Variants in FHIT observed in about 807,000 individuals in gnomAD.
The protein encoded by FHIT is bis(5'-adenosyl)-triphosphatase.
In FHIT, 19 loss-of-function variants were observed where a neutral mutation model predicts 17.9. That is an observed-to-expected ratio of 1.06 (90% CI 0.74 to 1.56). FHIT has a LOEUF of 1.56. Ranked by LOEUF, FHIT falls within the 40% of genes most tolerant of loss-of-function variation. The probability of loss-of-function intolerance (pLI) is 0.00; values close to 1 mark genes in which losing one functional copy is unlikely to be tolerated. For synonymous variants in FHIT, 81 were observed against 69.7 expected (o/e 1.16, Z -0.81); for missense variants, 248 against 189.2 (o/e 1.31, Z -1.82).
At chr3:60,324,020 C>A (rs969601917) in intron 5 of FHIT, among the ~76,000 whole-genome samples, 2 of 152,030 alleles carry the variant, frequency 1.3e-5, no homozygotes, top group African/African-American at 2.4e-5. Flanking sequence ...GGTCTAGAAT[C>A]CTTTGTTGAA....
At chr3:59,796,376 C>T (rs969447098) in intron 8 of FHIT, among the ~76,000 whole-genome samples, 7 of 152,140 alleles carry the variant, frequency 4.6e-5, no homozygotes, top group African/African-American at 1.7e-4. Flanking sequence ...AAGGTCCTTA[C>T]ACCAGCTCCT....
chr3:60,338,501 C>A (rs1048336635), intron 5 of FHIT, among the ~76,000 whole-genome samples: 1 of 152,272 alleles, frequency 6.6e-6, no homozygotes, highest in East Asian at 1.9e-4. Context: ...TGTCTGGTCC[C>A]AGTATTTTAT....
rs982511950 is a variant in FHIT at position 60,324,262 on chromosome 3, T to G, written c.103+212598A>C. On this transcript the variant is annotated intron_variant, in intron 5 of 9. Coordinates refer to ENST00000492590, the MANE Select transcript of FHIT (RefSeq NM_002012.4). Reference sequence around the variant, plus strand: ...TCCTATAACCCCAGAGTCCCTGTTTTTAATGACCACCCAGACTGCCCCTCA... The same window carrying G: ...TCCTATAACCCCAGAGTCCCTGTTTGTAATGACCACCCAGACTGCCCCTCA... Among the ~76,000 whole-genome samples the G allele has an allele frequency of 4.6e-5, 7 of 152,170 alleles. No homozygotes were observed. In the East Asian group the frequency reaches 9.7e-4, roughly 21 times the overall value.
chr3:60,513,933 A>C (rs1374144213), intron 5 of FHIT, among the ~76,000 whole-genome samples: 1 of 152,238 alleles, frequency 6.6e-6, no homozygotes, highest in African/African-American at 2.4e-5. Context: ...AGAGAAGAGG[A>C]GAGAAGTGTC....
In FHIT at chr3:60,702,970, A is replaced by T. The variant is rs530234329; in HGVS notation, c.-18+118949T>A. Among the ~76,000 whole-genome samples the T allele has an allele frequency of 6.6e-5, 10 of 152,326 alleles. No homozygotes were observed. In the South Asian group the frequency reaches 1.0e-3, roughly 16 times the overall value. The stretch of plus-strand genomic sequence containing the variant: ...TCAGTATGCATACTGAGTTGAATAC[A>T]GTCCTCCATAATTTATAGTCATGTG... On this transcript the variant is annotated intron_variant, in intron 4 of 9. Coordinates refer to ENST00000492590, the MANE Select transcript of FHIT (RefSeq NM_002012.4).
intron 4 of FHIT, among the ~76,000 whole-genome samples, chr3:60,567,030 C>T (rs1330522778): frequency 6.7e-6 from 1 of 149,024 alleles, no homozygotes; most frequent in African/African-American, 2.5e-5. Flanking sequence ...AATGGCCATA[C>T]TGCCCAAGGT....
At chr3:61,114,683 C>G (rs140854395) in intron 2 of FHIT, among the ~76,000 whole-genome samples, 1 of 152,154 alleles carries the variant, frequency 6.6e-6, no homozygotes, top group Non-Finnish European at 1.5e-5. Context: ...ACCTTTGACC[C>G]TGTCCTGTTA....
At chr3:59,994,851 T>G (rs1048624649) in intron 7 of FHIT, among the ~76,000 whole-genome samples, 3 of 152,098 alleles carry the variant, frequency 2.0e-5, no homozygotes, top group Non-Finnish European at 2.9e-5. Flanking sequence ...TCCTTTCACC[T>G]TGTCTATGCA....
chr3:60,952,396 A>G (rs1266739423), intron 3 of FHIT, among the ~76,000 whole-genome samples: 1 of 152,148 alleles, frequency 6.6e-6, no homozygotes, highest in Non-Finnish European at 1.5e-5. Flanking sequence ...GTGTCTGTGT[A>G]GTCACAATCA....
At chr3:59,879,574 G>A (rs900466438) in intron 8 of FHIT, among the ~76,000 whole-genome samples, 1 of 152,144 alleles carries the variant, frequency 6.6e-6, no homozygotes, top group Non-Finnish European at 1.5e-5. Flanking sequence ...ACTATGTGAT[G>A]CATGTTATGA....
At chr3:59,869,547 T>C (rs1702821108) in intron 8 of FHIT, among the ~76,000 whole-genome samples, 1 of 142,646 alleles carries the variant, frequency 7.0e-6, no homozygotes, top group African/African-American at 2.6e-5. Flanking sequence ...AGTGGAGCGA[T>C]CTCGGCATAC....
At chr3:61,021,264 A>T (rs980516554) in intron 3 of FHIT, among the ~76,000 whole-genome samples, 1 of 152,184 alleles carries the variant, frequency 6.6e-6, no homozygotes, top group African/African-American at 2.4e-5. Context: ...TCTAAAATTG[A>T]CCACATAAGT....
intron 2 of FHIT, among the ~76,000 whole-genome samples, chr3:61,176,985 C>T (rs1224466134): frequency 6.6e-6 from 1 of 152,146 alleles, no homozygotes; most frequent in Non-Finnish European, 1.5e-5. Context: ...ACCATCCTGG[C>T]TAACACGGTG....
At chr3:59,777,902 G>A (rs1468498409) in intron 8 of FHIT, among the ~76,000 whole-genome samples, 2 of 152,134 alleles carry the variant, frequency 1.3e-5, no homozygotes, top group Admixed American at 1.3e-4. Context: ...GTTTCCCCGG[G>A]CTTACAGCTT....
At chr3:61,201,944 GTGTA>G (rs1341510914) in intron 1 of FHIT, among the ~76,000 whole-genome samples, 3 of 149,712 alleles carry the variant, frequency 2.0e-5, no homozygotes, top group Non-Finnish European at 4.4e-5. Flanking sequence ...ATATATGTGT[GTGTA>G]TGTGTGTATA....
chr3:60,465,191 A>G (rs1049098132), intron 5 of FHIT, among the ~76,000 whole-genome samples: 1 of 152,022 alleles, frequency 6.6e-6, no homozygotes, highest in Admixed American at 6.6e-5. Context: ...GTCTATCCAG[A>G]TCTCTGCTCA....
At chr3:60,322,031 A>G (rs1709456123) in intron 5 of FHIT, among the ~76,000 whole-genome samples, 1 of 152,188 alleles carries the variant, frequency 6.6e-6, no homozygotes, top group South Asian at 2.1e-4. Context: ...GACCTTAGCA[A>G]TATTCATCCA....
intron 5 of FHIT, among the ~76,000 whole-genome samples, chr3:60,188,665 A>G (rs1702268287): frequency 6.6e-6 from 1 of 152,328 alleles, no homozygotes; most frequent in South Asian, 2.1e-4. Context: ...AAACTTCTTT[A>G]CATTGCATCA....
chr3:60,954,680 T>C (rs1373728437), intron 3 of FHIT, among the ~76,000 whole-genome samples: 1 of 152,190 alleles, frequency 6.6e-6, no homozygotes, highest in Non-Finnish European at 1.5e-5. Flanking sequence ...AATCTAACCA[T>C]GGATTTCATT....
Sources: gnomAD v4.1 joint callset for allele counts (sites outside exome capture counted in the v4.1 genomes callset) on GRCh38, gnomAD v4.1.1 for gene constraint, MANE v1.5 for transcripts, NCBI Gene and HGNC (gene_info 2026-07-23, HGNC 2026-07-21) for gene names.